The following TENM4 variants were observed in gnomAD, a reference collection of about 807,000 sequenced individuals.
TENM4 encodes teneurin transmembrane protein 4, also known as teneurin-4.
TENM4 carries 82 observed loss-of-function variants against 243.3 expected under a neutral mutation model. The observed-to-expected ratio is 0.34, with a 90% confidence interval of 0.28 to 0.40. TENM4 has a LOEUF of 0.40. Ranked by LOEUF, TENM4 falls within the 10% of genes least tolerant of loss-of-function variation. The probability of loss-of-function intolerance (pLI) is 1.00; values close to 1 mark genes in which losing one functional copy is unlikely to be tolerated. For missense variants in TENM4, 3,138 were observed against 3,673.3 expected, an observed-to-expected ratio of 0.85 and a Z score of 3.77; for synonymous variants, 1,412 against 1,456.3, an observed-to-expected ratio of 0.97 and a Z score of 0.69.
At chr11:79,050,375 C>T (rs754821640) in intron 6 of TENM4, among the ~76,000 whole-genome samples, 13 of 152,156 alleles carry the variant, frequency 8.5e-5, no homozygotes, top group Non-Finnish European at 1.0e-4. Context: ...TGGGCTTAAG[C>T]GGTTTCCCTC....
At chr11:78,878,279 C>T (rs1859323642) in intron 9 of TENM4, among the ~76,000 whole-genome samples, 1 of 152,136 alleles carries the variant, frequency 6.6e-6, no homozygotes, top group Non-Finnish European at 1.5e-5. Context: ...AGACCCGGCA[C>T]AAGAAGCTGT....
intron 1 of TENM4, among the ~76,000 whole-genome samples, chr11:79,381,741 C>T (rs569676288): frequency 2.6e-5 from 4 of 151,862 alleles, no homozygotes; most frequent in Non-Finnish European, 5.9e-5. Flanking sequence ...TATGTTCCTC[C>T]TGACAGCCAT....
chr11:79,102,476 C>A (rs1861258666), intron 4 of TENM4, among the ~76,000 whole-genome samples: 1 of 152,210 alleles, frequency 6.6e-6, no homozygotes, highest in African/African-American at 2.4e-5. Flanking sequence ...CAGCGCTGAG[C>A]TAGGTAAATA....
intron 31 of TENM4, 113 bp from the exon 32 acceptor site, chr11:78,670,664 T>C: frequency 9.2e-7 from 1 of 1,081,606 alleles, no homozygotes; most frequent in East Asian, 2.4e-5. Context: ...ATCCTGAGTT[T>C]CCATGGTTCT....
intron 19 of TENM4, among the ~76,000 whole-genome samples, chr11:78,739,456 C>T (rs998928606): frequency 1.4e-4 from 22 of 152,156 alleles, no homozygotes; most frequent in Non-Finnish European, 2.1e-4. Flanking sequence ...CTCTACCAAA[C>T]CATACACACT....
At chr11:78,995,541 CACTT>C (rs1858152139) in intron 6 of TENM4, among the ~76,000 whole-genome samples, 1 of 152,144 alleles carries the variant, frequency 6.6e-6, no homozygotes, top group Admixed American at 6.5e-5. Flanking sequence ...TAGTATAAGA[CACTT>C]ACAAACAAAT....
In TENM4 at chr11:79,104,079, C is replaced by G. The variant is rs148303968; in HGVS notation, c.-65-34070G>C. On this transcript the variant is annotated intron_variant, in intron 4 of 33. Transcript: ENST00000278550. ...CTATTTTTCTCAATTAAATGCCCCT[C>G]TAAAGAGTGGTCTTCCCTTCCTAGC... Among the ~76,000 whole-genome samples the G allele has an allele frequency of 7.0e-3, 1,060 of 152,272 alleles. 11 individuals are homozygous for G. The highest frequency in any genetic ancestry group is 0.024 in the African/African-American group (998 of 41,550).
chr11:79,084,851 C>A (rs1364354721), intron 4 of TENM4, among the ~76,000 whole-genome samples: 1 of 152,152 alleles, frequency 6.6e-6, no homozygotes, highest in East Asian at 1.9e-4. Flanking sequence ...CACGCACATG[C>A]ATGCACACAC....
chr11:79,264,783 CA>C (rs931976681), intron 2 of TENM4, among the ~76,000 whole-genome samples: 3 of 152,144 alleles, frequency 2.0e-5, no homozygotes, highest in Admixed American at 6.5e-5. Context: ...GGTGGGGTCC[CA>C]AAATAGTATG....
At chr11:78,814,085 G>T (rs143930700) in intron 13 of TENM4, among the ~76,000 whole-genome samples, 2 of 152,006 alleles carry the variant, frequency 1.3e-5, no homozygotes, top group African/African-American at 4.8e-5. Flanking sequence ...TGACCTCCCC[G>T]ATCATCCACA....
chr11:79,134,389 G>T (rs1160875324), intron 4 of TENM4, among the ~76,000 whole-genome samples: 1 of 151,980 alleles, frequency 6.6e-6, no homozygotes, highest in Non-Finnish European at 1.5e-5. Context: ...CATGAATGGG[G>T]AAAATCAATA....
intron 3 of TENM4, among the ~76,000 whole-genome samples, chr11:79,167,896 A>G (rs1448031519): frequency 2.0e-5 from 3 of 152,272 alleles, no homozygotes; most frequent in Non-Finnish European, 2.9e-5. Flanking sequence ...ATTTAAAAAA[A>G]TGAGTCATAC....
intron 2 of TENM4, among the ~76,000 whole-genome samples, chr11:79,284,144 G>A (rs1053829676): frequency 1.2e-4 from 18 of 152,114 alleles, no homozygotes; most frequent in African/African-American, 3.6e-4. Context: ...TTTATTTATA[G>A]ATTTAATGTA....
chr11:79,179,095 GCAA>G (rs1385443916), intron 3 of TENM4, among the ~76,000 whole-genome samples: 1 of 152,300 alleles, frequency 6.6e-6, no homozygotes, highest in East Asian at 1.9e-4. Flanking sequence ...TCTAATGTTA[GCAA>G]CAACAACAAT....
At chr11:78,991,326 T>C (rs1468145805) in intron 6 of TENM4, among the ~76,000 whole-genome samples, 2 of 151,966 alleles carry the variant, frequency 1.3e-5, no homozygotes. Context: ...GGATTCATTA[T>C]TGCCTCTTGT....
In TENM4 at chr11:78,722,826, G is replaced by C. The variant is rs774717758; in HGVS notation, c.3642C>G (p.Ser1214Arg). Residue 1214 changes from serine to arginine, a missense_variant, in exon 24 of 34, where the codon AGC (serine) becomes AGG (arginine). Ser to Arg is a moderately radical substitution (Grantham distance 110). This residue lies in a region of TENM4 where 2,467 missense variants were observed against 3,059.1 expected (regional missense o/e 0.81). Transcript: ENST00000278550. ...GGCCGTTGCAGCTGGGGCAGGAGAT[G>C]CTTCTCCGGCGCCCATTGCCCATGA... ...GSIMGNGRRR[S>R]ISCPSCNGLA... The C allele has an allele frequency of 1.9e-6, 3 of 1,614,052 alleles. No homozygotes were observed. The highest frequency in any genetic ancestry group is 2.5e-6 in the Non-Finnish European group (3 of 1,179,904).
In TENM4 at chr11:78,978,914, C is replaced by T. The variant is rs527687579; in HGVS notation, c.494-75391G>A. Among the ~76,000 whole-genome samples, 3 of 152,082 alleles carry T rather than the reference C, an allele frequency of 2.0e-5. 1 individual carries two copies. The South Asian group carries it at 6.3e-4, about 32-fold the overall frequency. On this transcript the variant is annotated intron_variant, in intron 6 of 33. Transcript: ENST00000278550. ...AGTGAAGTTTGTGTACAAAGCTTCT[C>T]GGTGTTTCTTGGGCACATCGTGAGA...
At chr11:78,746,127 G>A (rs959984052) in intron 19 of TENM4, among the ~76,000 whole-genome samples, 5 of 152,184 alleles carry the variant, frequency 3.3e-5, no homozygotes, top group African/African-American at 1.2e-4. Context: ...TGACAGGAGG[G>A]AGGAGTTTAC....
intron 31 of TENM4, 98 bp from the exon 32 acceptor site, chr11:78,670,649 G>T: frequency 8.2e-7 from 1 of 1,218,984 alleles, no homozygotes; most frequent in Non-Finnish European, 1.1e-6. Flanking sequence ...GAATGTCCAA[G>T]GAGAATCCTG....
Sources: gnomAD v4.1 joint callset for allele counts (sites outside exome capture counted in the v4.1 genomes callset) on GRCh38, gnomAD v4.1.1 for gene constraint, gnomAD v4.1.1 regional missense constraint, MANE v1.5 for transcripts, NCBI Gene and HGNC (gene_info 2026-07-23, HGNC 2026-07-21) for gene names.